Variants in ACO1 observed in about 807,000 individuals in gnomAD.
ACO1 encodes the protein aconitase 1, also known as cytoplasmic aconitate hydratase.
A neutral mutation model predicts 105.1 loss-of-function variants in ACO1; 78 were observed. That is an observed-to-expected ratio of 0.74 (90% CI 0.62 to 0.90). ACO1 has a LOEUF of 0.90. Among genes scored for constraint, ACO1 ranks in the 40% least tolerant of loss-of-function variants. ACO1 has a pLI of 0.00. For synonymous variants in ACO1, 364 were observed against 397.4 expected (o/e 0.92, Z 1.00); for missense variants, 965 against 1,111.1 (o/e 0.87, Z 1.87).
At chr9:32,398,341 A>G (rs78564215) in intron 1 of ACO1, among the ~76,000 whole-genome samples, 1 of 152,246 alleles carries the variant, frequency 6.6e-6, no homozygotes, top group African/African-American at 2.4e-5. Flanking sequence ...CATCTCTACA[A>G]ATCTAGCTAT....
chr9:32,409,565 C>T (rs997976571), intron 4 of ACO1, among the ~76,000 whole-genome samples: 1 of 152,150 alleles, frequency 6.6e-6, no homozygotes. Flanking sequence ...AAAATGTCTT[C>T]GTTGGCCACG....
At chr9:32,398,666 T>A (rs1821424491) in intron 1 of ACO1, among the ~76,000 whole-genome samples, 1 of 152,028 alleles carries the variant, frequency 6.6e-6, no homozygotes, top group Non-Finnish European at 1.5e-5. Flanking sequence ...CAATCACAGC[T>A]CACTGTAGCC....
Position 32,445,043 on chromosome 9 carries a change from C to T in ACO1, c.2371-3853C>T, listed in dbSNP as rs541483317. Reference sequence around the variant, plus strand: ...AGTATTTTATTGAGGATTTTTGCATCGATGTTCATCAGGGATATTGGCCTC... The same window carrying T: ...AGTATTTTATTGAGGATTTTTGCATTGATGTTCATCAGGGATATTGGCCTC... On this transcript the variant is annotated intron_variant, in intron 19 of 20. Transcript: ENST00000309951. Among the ~76,000 whole-genome samples the T allele has an allele frequency of 4.0e-4, 61 of 152,236 alleles. 1 individual carries two copies. In the South Asian group the frequency reaches 0.011, roughly 27 times the overall value.
At chr9:32,434,823 T>TA in intron 17 of ACO1, 122 bp downstream of exon 17, 1 of 1,200,222 alleles carries the variant, frequency 8.3e-7, no homozygotes, top group East Asian at 2.5e-5. Flanking sequence ...CACTGAGGCT[T>TA]AACCCTGGGG....
chr9:32,416,347 C>A (rs548942368), intron 4 of ACO1, among the ~76,000 whole-genome samples: 1 of 152,260 alleles, frequency 6.6e-6, no homozygotes, highest in African/African-American at 2.4e-5. Context: ...CCCGCCTCAG[C>A]CTCCCAAAGT....
At chr9:32,442,844 A>T (rs974096957) in intron 19 of ACO1, among the ~76,000 whole-genome samples, 1 of 152,168 alleles carries the variant, frequency 6.6e-6, no homozygotes, top group Non-Finnish European at 1.5e-5. Context: ...CCCTGGGTAA[A>T]GGGGGACAAT....
chr9:32,430,230 C>G (rs1186617301), intron 13 of ACO1, among the ~76,000 whole-genome samples, 188 bp from the exon 14 acceptor site: 1 of 152,142 alleles, frequency 6.6e-6, no homozygotes, highest in Non-Finnish European at 1.5e-5. Flanking sequence ...TCTCTGCTTC[C>G]TTTGACCCAG....
At chr9:32,430,032 A>G (rs1235355689) in intron 13 of ACO1, among the ~76,000 whole-genome samples, 4 of 152,236 alleles carry the variant, frequency 2.6e-5, no homozygotes, top group Non-Finnish European at 4.4e-5. Flanking sequence ...CTGAACCTTG[A>G]AAGATATTAT....
chr9:32,412,552 C>A (rs1821762036), intron 4 of ACO1, among the ~76,000 whole-genome samples: 1 of 152,090 alleles, frequency 6.6e-6, no homozygotes, highest in African/African-American at 2.4e-5. Context: ...ACATCCAAAC[C>A]AGATAAATTC....
chr9:32,444,346 G>A (rs1206542741), intron 19 of ACO1, among the ~76,000 whole-genome samples: 1 of 152,178 alleles, frequency 6.6e-6, no homozygotes, highest in Non-Finnish European at 1.5e-5. Flanking sequence ...ACCCAGGAAT[G>A]GGATTGCTGG....
At chr9:32,443,791 A>G (rs1354757434) in intron 19 of ACO1, among the ~76,000 whole-genome samples, 1 of 152,242 alleles carries the variant, frequency 6.6e-6, no homozygotes, top group African/African-American at 2.4e-5. Context: ...AAAGGTTACA[A>G]AATATATGCA....
At position 32,450,768 on chromosome 9, in the gene ACO1, T is replaced by C. The variant is rs930718014; in HGVS notation, c.*657T>C. 1 of 152,128 alleles carries C rather than the reference T, an allele frequency of 6.6e-6. No individual in the cohort carries two copies. The highest frequency in any genetic ancestry group is 1.5e-5 in the Non-Finnish European group (1 of 68,046). The allele number at this position is 152,128 out of a possible 1,614,324, so 9.4% of individuals were successfully genotyped here. A position where few individuals can be genotyped will look rare whatever the true frequency, so the allele number is the denominator to read the frequency against. On this transcript the variant is annotated 3_prime_UTR_variant, in exon 21 of 21. Coordinates refer to ENST00000309951, the MANE Select transcript of ACO1 (RefSeq NM_002197.3). The stretch of plus-strand genomic sequence containing the variant: ...TCTTTTCATTTATCAAGCAGAGACC[T>C]TTGTTGGGAGGCGGTTTGGGAGAAC...
chr9:32,449,246 T>C (rs10813818), intron 20 of ACO1, among the ~76,000 whole-genome samples, 165 bp downstream of exon 20: 85,227 of 151,970 alleles, frequency 0.56, 23,938 homozygotes, highest in East Asian at 0.59. Context: ...CCTGCCTTCA[T>C]AGCATAGGAT....
intron 1 of ACO1, among the ~76,000 whole-genome samples, chr9:32,399,859 CTG>C (rs1286731941): frequency 6.7e-6 from 1 of 149,568 alleles, no homozygotes; most frequent in South Asian, 2.1e-4. Flanking sequence ...GTAAATGAAA[CTG>C]TAAATCATGG....
At chr9:32,418,938 T>C in intron 6 of ACO1, 100 bp from the exon 7 acceptor site, 1 of 1,350,592 alleles carries the variant, frequency 7.4e-7, no homozygotes, top group Non-Finnish European at 9.8e-7. Flanking sequence ...AATTAAACGT[T>C]GTAACTGGGT....
chr9:32,420,039 G>A (rs936458100), intron 7 of ACO1, among the ~76,000 whole-genome samples: 3 of 112,328 alleles, frequency 2.7e-5, no homozygotes, highest in Non-Finnish European at 6.7e-5. Flanking sequence ...TATCACAAAT[G>A]TCTGTGCACT....
At chr9:32,407,224 C>CA in intron 2 of ACO1, 37 bp from the exon 3 acceptor site, 1 of 1,606,574 alleles carries the variant, frequency 6.2e-7, no homozygotes, top group Non-Finnish European at 8.5e-7. Context: ...TAAGTTGTCT[C>CA]ACAGGTTTTG....
At chr9:32,448,810 C>A in intron 19 of ACO1, 86 bp from the exon 20 acceptor site, 2 of 1,453,562 alleles carry the variant, frequency 1.4e-6, no homozygotes, top group Admixed American at 1.7e-5. Flanking sequence ...GGCCATCATG[C>A]CAGCTCTCTC....
At chr9:32,423,453 C>G (rs2118481914) in intron 9 of ACO1, 34 bp downstream of exon 9, 2 of 1,418,914 alleles carry the variant, frequency 1.4e-6, no homozygotes, top group African/African-American at 1.4e-5. Flanking sequence ...CATGTATTTC[C>G]TCTTCCTCAA....
Sources: gnomAD v4.1 joint callset for allele counts (sites outside exome capture counted in the v4.1 genomes callset) on GRCh38, gnomAD v4.1.1 for gene constraint, MANE v1.5 for transcripts, NCBI Gene and HGNC (gene_info 2026-07-23, HGNC 2026-07-21) for gene names.